HDAC5: variants seen among roughly 807,000 people sequenced by gnomAD.
The protein encoded by HDAC5 is antigen NY-CO-9.
HDAC5 carries 25 observed loss-of-function variants against 133.3 expected under a neutral mutation model. That is an observed-to-expected ratio of 0.19 (90% CI 0.14 to 0.26). The LOEUF (loss-of-function observed/expected upper bound fraction) is 0.26, where lower values mean the gene tolerates loss of function less well. Ranked by LOEUF, HDAC5 falls within the 10% of genes least tolerant of loss-of-function variation. The pLI, the probability that HDAC5 is intolerant of heterozygous loss-of-function variation, is 1.00. For synonymous variants in HDAC5, 589 were observed against 610.8 expected, an observed-to-expected ratio of 0.96 and a Z score of 0.53; for missense variants, 1,041 against 1,460.5, an observed-to-expected ratio of 0.71 and a Z score of 4.68.
chr17:44,082,403 G>A, intron 20 of HDAC5, 182 bp downstream of exon 20: 1 of 600,556 alleles, frequency 1.7e-6, no homozygotes, highest in Admixed American at 2.9e-5. Context: ...AGCCCTGTTG[G>A]AATGTGACGT....
chr17:44,080,280 C>T (rs1412045475), intron 22 of HDAC5, 55 bp from the exon 23 acceptor site: 1 of 1,559,472 alleles, frequency 6.4e-7, no homozygotes, highest in Non-Finnish European at 8.8e-7. Flanking sequence ...AGGCCTCGCC[C>T]CACTGTTATC....
chr17:44,099,073 G>A (rs547784762), intron 3 of HDAC5, among the ~76,000 whole-genome samples: 23 of 152,246 alleles, frequency 1.5e-4, no homozygotes, highest in African/African-American at 4.6e-4. Context: ...CCAAGATCGC[G>A]ACATTGCACT....
intron 1 of HDAC5, among the ~76,000 whole-genome samples, chr17:44,120,761 C>T (rs910239019): frequency 6.6e-6 from 1 of 151,152 alleles, no homozygotes; most frequent in African/African-American, 2.4e-5. Flanking sequence ...AAAAAAGTTA[C>T]AAGCCAAGAC....
chr17:44,083,473 G>T lies in HDAC5; in HGVS notation c.2463+72C>A, dbSNP rs1001550219. 3.0e-5 allele frequency: 32 copies of T among 1,083,114 alleles called. No homozygotes were observed. The South Asian group carries it at 4.3e-4, about 15-fold the overall frequency. The allele number at this position is 1,083,114 out of a possible 1,614,324, so 67.1% of individuals were successfully genotyped here. A position where few individuals can be genotyped will look rare whatever the true frequency, so the allele number is the denominator to read the frequency against. The stretch of plus-strand genomic sequence containing the variant: ...AGTGCCTCACTGAAAGGATCCCAAG[G>T]CTGCCCCTGTCCTCTGCCTCTGAGG... On this transcript the variant is annotated intron_variant, in intron 18 of 26. Coordinates refer to ENST00000682912, the MANE Select transcript of HDAC5 (RefSeq NM_005474.5).
intron 2 of HDAC5, 34 bp from the exon 3 acceptor site, chr17:44,110,834 T>C: frequency 6.4e-7 from 1 of 1,558,282 alleles, no homozygotes; most frequent in Non-Finnish European, 8.8e-7. Flanking sequence ...TCATAGATGG[T>C]CTGCAGCATC....
intron 6 of HDAC5, 101 bp from the exon 7 acceptor site, chr17:44,092,907 T>C: frequency 3.0e-6 from 2 of 656,954 alleles, no homozygotes; most frequent in Non-Finnish European, 5.2e-6. Context: ...ATCGTTTGTA[T>C]ATAGGAAGAG....
chr17:44,108,750 CCAAAAAAAAAA>C lies in HDAC5; in HGVS notation c.94+1968_94+1978del, dbSNP rs1167836654. ...GAAACATCTATTTACATTCCAGAGTCCAAAAAAAAAACAAAAAAAAAACAAAAAAAAAACAA... is the reference window on the plus strand; with the variant it reads ...GAAACATCTATTTACATTCCAGAGTCCAAAAAAAAAACAAAAAAAAAACAA... On this transcript the variant is annotated intron_variant, in intron 3 of 26. Transcript: ENST00000682912. Among the ~76,000 whole-genome samples, 88 of 75,774 alleles carry C rather than the reference CCAAAAAAAAAA, an allele frequency of 1.2e-3. 2 individuals are homozygous for C. Among genetic ancestry groups the C allele is most frequent in the Middle Eastern group, 7.8e-3 (1 of 128 alleles). 49.7% of individuals were successfully genotyped at this position (75,774 alleles called of 152,430 possible).
intron 3 of HDAC5, 54 bp from the exon 4 acceptor site, chr17:44,093,888 C>G: frequency 6.9e-7 from 1 of 1,442,970 alleles, no homozygotes; most frequent in Non-Finnish European, 9.1e-7. Flanking sequence ...AGACTCCAGT[C>G]ATGCCTGAGG....
intron 12 of HDAC5, 91 bp downstream of exon 12, chr17:44,088,296 T>C: frequency 6.7e-7 from 1 of 1,484,330 alleles, no homozygotes; most frequent in Non-Finnish European, 9.0e-7. Flanking sequence ...CCACCGTGTC[T>C]GGCCTGAAAG....
rs2050223185 is a variant in HDAC5, at chr17:44,078,559, G to A, written c.3270C>T (p.Ala1090=). 2 of 1,611,890 alleles carry A rather than the reference G, an allele frequency of 1.2e-6. No individual in the cohort carries two copies. Among genetic ancestry groups the A allele is most frequent in the South Asian group, 1.1e-5 (1 of 91,078 alleles). ...CCTGCTCGGCCCCCACCGACAGCAA[G>A]GCCATGGCGCTCACAGTCTCGGCCT... ...TEEAETVSAM[A]LLSVGAEQAQ... Residue 1090 remains alanine (A), a synonymous_variant, in exon 26 of 27, where the codon GCC becomes GCT. Transcript: ENST00000682912.
chr17:44,110,187 ACT>A (rs1479972786), intron 3 of HDAC5, among the ~76,000 whole-genome samples: 1 of 152,146 alleles, frequency 6.6e-6, no homozygotes, highest in Non-Finnish European at 1.5e-5. Context: ...CCTCTGCCTA[ACT>A]CCATCATGAC....
In HDAC5 at chr17:44,093,302, G is replaced by T; in HGVS notation, c.526+12C>A. 1 of 1,583,090 alleles carries T rather than the reference G, an allele frequency of 6.3e-7. No homozygotes were observed. ...GCGGGGCCCTACGAGGTCCCAGGAG[G>T]CCCTGCCTTACTCTCTTTGCTCTTC... On this transcript the variant is annotated intron_variant, in intron 5 of 26. Coordinates refer to ENST00000682912, the MANE Select transcript of HDAC5 (RefSeq NM_005474.5).
At position 44,084,538 on chromosome 17, in the gene HDAC5, C is replaced by T; in HGVS notation, c.2305+17G>A. ...GACACTGAACATGCCTGCCCGCCCA[C>T]CCATGTGCCAGCTCACCGAGCAACT... On this transcript the variant is annotated intron_variant, in intron 16 of 26. Transcript: ENST00000682912. 6.2e-7 allele frequency: 1 copy of T among 1,613,772 alleles called. No individual in the cohort carries two copies. Among genetic ancestry groups the T allele is most frequent in the Non-Finnish European group, 8.5e-7 (1 of 1,179,750 alleles).
At chr17:44,080,659 C>T in intron 21 of HDAC5, 104 bp downstream of exon 21, 1 of 1,544,862 alleles carries the variant, frequency 6.5e-7, no homozygotes, top group Non-Finnish European at 8.9e-7. Context: ...CCAGACTCCC[C>T]AGGTACCAAC....
At chr17:44,091,539 T>C in intron 10 of HDAC5, 47 bp from the exon 11 acceptor site, 1 of 1,515,528 alleles carries the variant, frequency 6.6e-7, no homozygotes, top group South Asian at 1.3e-5. Context: ...CCTGCCAACT[T>C]TGGACTAGCA....
At chr17:44,101,066 G>A (rs1224504661) in intron 3 of HDAC5, among the ~76,000 whole-genome samples, 2 of 150,326 alleles carry the variant, frequency 1.3e-5, no homozygotes, top group East Asian at 4.1e-4. Context: ...TGGGATTACA[G>A]GCGTGAGCCA....
At chr17:44,094,754 GTATA>G (rs900088175) in intron 3 of HDAC5, among the ~76,000 whole-genome samples, 17 of 137,124 alleles carry the variant, frequency 1.2e-4, no homozygotes, top group African/African-American at 4.3e-4. Flanking sequence ...GTATGTGTGT[GTATA>G]TATATATATA....
At chr17:44,091,864 G>C (rs759366152) in intron 9 of HDAC5, 33 bp from the exon 10 acceptor site, 1 of 1,519,870 alleles carries the variant, frequency 6.6e-7, no homozygotes. Context: ...AGGCATGAGA[G>C]TGCACAAAGG....
intron 3 of HDAC5, among the ~76,000 whole-genome samples, chr17:44,102,701 T>C (rs2051692972): frequency 7.0e-6 from 1 of 143,240 alleles, no homozygotes; most frequent in Non-Finnish European, 1.5e-5. Flanking sequence ...GTCTCTCTGT[T>C]GCCCAGCTGG....
Sources: gnomAD v4.1 joint callset for allele counts (sites outside exome capture counted in the v4.1 genomes callset) on GRCh38, gnomAD v4.1.1 for gene constraint, MANE v1.5 for transcripts, NCBI Gene and HGNC (gene_info 2026-07-23, HGNC 2026-07-21) for gene names.